Variants in OIP5 observed in about 807,000 individuals in gnomAD.
OIP5 encodes the protein Opa interacting protein 5, also known as protein Mis18-beta.
OIP5 carries 24 observed loss-of-function variants against 20.3 expected under a neutral mutation model. The ratio of observed to expected loss-of-function variants is 1.18; its 90% CI spans 0.86 to 1.66. OIP5 has a LOEUF of 1.66. Ranked by LOEUF, OIP5 falls within the 40% of genes most tolerant of loss-of-function variation. The pLI, the probability that OIP5 is intolerant of heterozygous loss-of-function variation, is 0.00. For missense variants in OIP5, 339 were observed against 289.5 expected, an observed-to-expected ratio of 1.17 and a Z score of -1.24; for synonymous variants, 143 against 121.3, an observed-to-expected ratio of 1.18 and a Z score of -1.17.
intron 2 of OIP5, among the ~76,000 whole-genome samples, chr15:41,330,409 A>ATTTT (rs766498868): frequency 1.6e-5 from 2 of 128,668 alleles, no homozygotes; most frequent in Non-Finnish European, 1.6e-5. Context: ...CGTAATCAGT[A>ATTTT]TTTTTTTTTT....
chr15:41,331,791 T>C (rs1302022067), intron 2 of OIP5, 124 bp downstream of exon 2: 2 of 788,988 alleles, frequency 2.5e-6, no homozygotes, highest in Non-Finnish European at 4.4e-6. Context: ...TACATCAAGT[T>C]CATATAAGAG....
chr15:41,332,535 G>T lies in OIP5; in HGVS notation c.27C>A (p.Arg9=). Reference sequence around the variant, plus strand: ...CCCGGGGCGGCGTTGCACAACGTGAGCGATGCCGCAGCGGCTGAGCCGCCA... The same window carrying T: ...CCCGGGGCGGCGTTGCACAACGTGATCGATGCCGCAGCGGCTGAGCCGCCA... MAAQPLRH[R]SRCATPPRGD... Residue 9 remains arginine, a synonymous_variant, in exon 1 of 5, where the codon CGC becomes CGA. Transcript: ENST00000220514. 2 of 1,611,022 alleles carry T rather than the reference G, an allele frequency of 1.2e-6. No homozygotes were observed. The highest frequency in any genetic ancestry group is 1.7e-6 in the Non-Finnish European group (2 of 1,178,640).
At chr15:41,329,636 A>T (rs1039370046) in intron 2 of OIP5, among the ~76,000 whole-genome samples, 1 of 151,730 alleles carries the variant, frequency 6.6e-6, no homozygotes, top group South Asian at 2.1e-4. Flanking sequence ...TTTACAAAGC[A>T]TCTAAACAAG....
rs1489998059 is a variant in OIP5, at chr15:41,319,180, C to A, written c.512+478G>T. ...CTCCACCTCTCAGGTTGAAGCAATT[C>A]TCTTGCCGCAGCCTCCCAAGTAGCT... is the stretch of plus-strand genomic sequence containing the variant. On this transcript the variant is annotated intron_variant, in intron 3 of 4. Transcript: ENST00000220514. 3.3e-5 allele frequency among the ~76,000 whole-genome samples: 5 copies of A among 151,364 alleles called. No individual in the cohort carries two copies. In the East Asian group the frequency reaches 9.7e-4, roughly 29 times the overall value.
At chr15:41,321,069 G>A (rs1192764274) in intron 2 of OIP5, among the ~76,000 whole-genome samples, 11 of 106,150 alleles carry the variant, frequency 1.0e-4, no homozygotes, top group African/African-American at 2.9e-4. Context: ...TCTGAGAAGT[G>A]AGGAGCCCCT....
chr15:41,319,615 T>A, intron 3 of OIP5, 43 bp downstream of exon 3: 1 of 1,558,124 alleles, frequency 6.4e-7, no homozygotes, highest in South Asian at 1.2e-5. Context: ...TCAAAATAAA[T>A]AAAATAAAAT....
rs766935607 is a variant in OIP5 at position 41,332,231 on chromosome 15, T to C, written c.322+9A>G. On this transcript the variant is annotated intron_variant, in intron 1 of 4. Coordinates refer to ENST00000220514, the MANE Select transcript of OIP5 (RefSeq NM_007280.2). ...CCTCTGCCTTTCCCGAACGCTTCAC[T>C]GCACTCACTGGAGAAGACCACGGCC... is the stretch of plus-strand genomic sequence containing the variant. 9.8e-5 allele frequency: 150 copies of C among 1,536,340 alleles called. 1 individual carries two copies. The highest frequency in any genetic ancestry group is 7.9e-6 in the Non-Finnish European group (9 of 1,144,232).
intron 3 of OIP5, among the ~76,000 whole-genome samples, chr15:41,315,806 GT>G (rs1006296519): frequency 1.3e-5 from 2 of 151,912 alleles, no homozygotes; most frequent in Admixed American, 6.6e-5. Context: ...CACATTTACA[GT>G]TTTTTTTCCC....
intron 2 of OIP5, among the ~76,000 whole-genome samples, chr15:41,322,461 C>G (rs1033710353): frequency 6.6e-6 from 1 of 151,982 alleles, no homozygotes; most frequent in African/African-American, 2.4e-5. Flanking sequence ...CGTAGTGATA[C>G]AATCATAGCT....
chr15:41,310,571 G>A (rs1245966696), intron 4 of OIP5, among the ~76,000 whole-genome samples: 1 of 151,500 alleles, frequency 6.6e-6, no homozygotes, highest in Non-Finnish European at 1.5e-5. Flanking sequence ...AGAGCTTGCA[G>A]TGAGCCAAGA....
intron 3 of OIP5, among the ~76,000 whole-genome samples, chr15:41,318,460 C>T (rs554978660): frequency 6.6e-6 from 1 of 152,124 alleles, no homozygotes; most frequent in East Asian, 1.9e-4. Flanking sequence ...CTGCACCCGG[C>T]CCATAAGGGA....
intron 4 of OIP5, among the ~76,000 whole-genome samples, chr15:41,311,493 C>A (rs151109472): frequency 6.6e-6 from 1 of 152,250 alleles, no homozygotes; most frequent in East Asian, 1.9e-4. Flanking sequence ...ATGGTTGTTT[C>A]CTTTATAATA....
chr15:41,327,776 A>G (rs1239260757), intron 2 of OIP5, among the ~76,000 whole-genome samples: 2 of 151,550 alleles, frequency 1.3e-5, no homozygotes, highest in Non-Finnish European at 2.9e-5. Flanking sequence ...CTACAGAGCA[A>G]GACTCCATCT....
intron 2 of OIP5, among the ~76,000 whole-genome samples, chr15:41,329,492 T>C (rs2047883769): frequency 6.6e-6 from 1 of 151,800 alleles, no homozygotes; most frequent in South Asian, 2.1e-4. Context: ...ATTTTTGTAC[T>C]TTTAGTAGAG....
rs533694252 is a variant in OIP5, at chr15:41,320,734, C to G, written c.390-954G>C. On this transcript the variant is annotated intron_variant, in intron 2 of 4. Transcript: ENST00000220514. ...TCTGGGAAGTGAGGAGCGTCTCTGC[C>G]TGGCCACCCATCGTCTGGGATGTGA... Among the ~76,000 whole-genome samples, 959 of 152,234 alleles carry G rather than the reference C, an allele frequency of 6.3e-3. 15 individuals are homozygous for G. Among genetic ancestry groups the G allele is most frequent in the African/African-American group, 0.022 (896 of 41,522 alleles).
intron 3 of OIP5, among the ~76,000 whole-genome samples, chr15:41,319,023 A>G (rs955776318): frequency 6.6e-6 from 1 of 152,054 alleles, no homozygotes; most frequent in African/African-American, 2.4e-5. Flanking sequence ...TTTTTGTCAA[A>G]GACAGTGCCT....
intron 2 of OIP5, among the ~76,000 whole-genome samples, chr15:41,329,250 T>C (rs1032277588): frequency 1.4e-4 from 21 of 151,580 alleles, no homozygotes; most frequent in African/African-American, 5.1e-4. Context: ...ATAACCCTCT[T>C]CGTAAGTCCC....
At chr15:41,331,799 G>A in intron 2 of OIP5, 116 bp downstream of exon 2, 1 of 825,788 alleles carries the variant, frequency 1.2e-6, no homozygotes, top group South Asian at 1.4e-5. Context: ...GTTCATATAA[G>A]AGTCAAACAG....
At chr15:41,331,787 A>T in intron 2 of OIP5, 128 bp downstream of exon 2, 1 of 764,076 alleles carries the variant, frequency 1.3e-6, no homozygotes, top group Non-Finnish European at 2.3e-6. Flanking sequence ...TTAATACATC[A>T]AGTTCATATA....
Sources: allele counts gnomAD v4.1 joint callset (sites outside exome capture counted in the v4.1 genomes callset), GRCh38; gene constraint gnomAD v4.1.1; transcripts MANE v1.5; gene names NCBI Gene and HGNC (gene_info 2026-07-23, HGNC 2026-07-21).